TAF2: variants seen among roughly 807,000 people sequenced by gnomAD.
The protein encoded by TAF2 is TATA-box binding protein associated factor 2.
Under a neutral mutation model 138.5 loss-of-function variants are expected in TAF2, and 61 were observed. The observed-to-expected ratio is 0.44, with a 90% CI of 0.36 to 0.54. TAF2 has a LOEUF of 0.54. Ranked by LOEUF, TAF2 falls within the 20% of genes least tolerant of loss-of-function variation. TAF2 has a pLI of 0.00. For synonymous variants in TAF2, 475 were observed against 469.9 expected (o/e 1.01, Z -0.14); for missense variants, 1,090 against 1,427.9 (o/e 0.76, Z 3.81).
chr8:119,781,243 C>T (rs780849529), intron 16 of TAF2, 50 bp from the exon 17 acceptor site: 2 of 1,607,212 alleles, frequency 1.2e-6, no homozygotes, highest in Non-Finnish European at 1.7e-6. Flanking sequence ...TGCAAACATA[C>T]TTTAAAATAA....
chr8:119,788,452 T>C lies in TAF2; in HGVS notation c.1684-5A>G. The C allele has an allele frequency of 1.3e-6, 2 of 1,501,904 alleles. No individual in the cohort carries two copies. Among genetic ancestry groups the C allele is most frequent in the Middle Eastern group, 1.8e-4 (1 of 5,692 alleles). The allele number at this position is 1,501,904 out of a possible 1,614,324, so 93.0% of individuals were successfully genotyped here. On this transcript the variant is annotated splice_polypyrimidine_tract_variant and splice_region_variant and intron_variant, in intron 13 of 25. Transcript: ENST00000378164. The stretch of plus-strand genomic sequence containing the variant: ...CACTGTCACTTTAAGTGGTCCCTTT[T>C]AAAAAAAAAACGTACTGTTCAGAGA...
Position 119,802,077 on chromosome 8 carries a change from T to G in TAF2, c.561-52A>C, listed in dbSNP as rs148107060. 4.2e-5 allele frequency: 59 copies of G among 1,421,006 alleles called. No individual in the cohort carries two copies. In the African/African-American group the frequency reaches 6.4e-4, roughly 15 times the overall value. The allele number at this position is 1,421,006 out of a possible 1,614,324, so 88.0% of individuals were successfully genotyped here. On this transcript the variant is annotated intron_variant, in intron 5 of 25. Transcript: ENST00000378164. Reference sequence around the variant, plus strand: ...AATGTATTCAAAGAGTTCTCTACATTGTTTTCCCCACATGCAAGTTATTTT... The same window carrying G: ...AATGTATTCAAAGAGTTCTCTACATGGTTTTCCCCACATGCAAGTTATTTT...
At chr8:119,787,196 G>A (rs1256434968) in intron 14 of TAF2, among the ~76,000 whole-genome samples, 2 of 152,004 alleles carry the variant, frequency 1.3e-5, no homozygotes, top group Non-Finnish European at 2.9e-5. Flanking sequence ...GGAACTTAAA[G>A]TTACAAGAGA....
intron 21 of TAF2, among the ~76,000 whole-genome samples, chr8:119,756,854 C>T (rs896617766): frequency 3.9e-5 from 6 of 152,004 alleles, no homozygotes; most frequent in African/African-American, 1.4e-4. Context: ...GTAGAAGACA[C>T]CATTAAGAGG....
In TAF2 at chr8:119,819,470, T is replaced by C. The variant is rs754450263; in HGVS notation, c.175A>G (p.Asn59Asp). The C allele has an allele frequency of 1.2e-6, 2 of 1,610,478 alleles. No individual in the cohort carries two copies. The highest frequency in any genetic ancestry group is 1.7e-6 in the Non-Finnish European group (2 of 1,179,478). The part of the protein sequence containing the change: ...VELTIFPTVA[N>D]LNRIKLNSKQ... ...CTGTTCAACTTGATTCTATTCAAGT[T>C]TGCAACTGTGGGAAATATAGTCAGT... The change falls in exon 3 of 26, where the codon AAC becomes GAC. Residue 59 changes from asparagine to aspartate, a missense_variant. Transcript: ENST00000378164.
intron 2 of TAF2, among the ~76,000 whole-genome samples, chr8:119,826,689 C>T (rs1826123463): frequency 6.6e-6 from 1 of 151,896 alleles, no homozygotes; most frequent in South Asian, 2.1e-4. Context: ...CTCCTGGGTT[C>T]AAGCGACTCT....
chr8:119,731,919 C>T lies in TAF2; in HGVS notation c.*5G>A, dbSNP rs1465411637. The T allele has an allele frequency of 5.0e-6, 8 of 1,613,666 alleles. No individual in the cohort carries two copies. The highest frequency in any genetic ancestry group is 5.9e-6 in the Non-Finnish European group (7 of 1,179,758). On this transcript the variant is annotated 3_prime_UTR_variant, in exon 26 of 26. Coordinates refer to ENST00000378164, the MANE Select transcript of TAF2 (RefSeq NM_003184.4). ...CATGAAAGGAAAGGTCTTTTTGTCC[C>T]CTTCTCAGTCTGAAAGGGAAGGAGA... is the stretch of plus-strand genomic sequence containing the variant.
intron 4 of TAF2, among the ~76,000 whole-genome samples, 180 bp downstream of exon 4, chr8:119,806,103 T>C (rs1009999838): frequency 2.0e-5 from 3 of 152,106 alleles, no homozygotes; most frequent in Non-Finnish European, 2.9e-5. Context: ...GGTTTCGCCA[T>C]GTTGGCCAGG....
At chr8:119,754,035 G>T (rs1252033342) in intron 22 of TAF2, among the ~76,000 whole-genome samples, 2 of 152,138 alleles carry the variant, frequency 1.3e-5, no homozygotes, top group East Asian at 3.9e-4. Flanking sequence ...TTCTTTCAGA[G>T]ATTAAAGAAA....
At chr8:119,792,474 T>C (rs1823508027) in intron 10 of TAF2, among the ~76,000 whole-genome samples, 1 of 152,096 alleles carries the variant, frequency 6.6e-6, no homozygotes, top group Non-Finnish European at 1.5e-5. Flanking sequence ...CATGATCACA[T>C]ACCTAGAAGA....
At chr8:119,756,309 G>T (rs16893109) in intron 21 of TAF2, among the ~76,000 whole-genome samples, 194 bp from the exon 22 acceptor site, 67,652 of 151,544 alleles carry the variant, frequency 0.45, 15,537 homozygotes, top group Admixed American at 0.54. Flanking sequence ...TATTTATTAC[G>T]TGTTTTTTCA....
rs145841428 is a variant in TAF2, at chr8:119,823,780, C to T, written c.139-4274G>A. Among the ~76,000 whole-genome samples the T allele has an allele frequency of 1.6e-3, 247 of 152,216 alleles. 1 individual carries two copies. Among genetic ancestry groups the T allele is most frequent in the African/African-American group, 5.6e-3 (233 of 41,542 alleles). ...AGATGGCTCAGAAGACAGGAAAATG[C>T]GGGAAAGTTTGGAACTTCCTATAGA... On this transcript the variant is annotated intron_variant, in intron 2 of 25. Coordinates refer to ENST00000378164, the MANE Select transcript of TAF2 (RefSeq NM_003184.4).
chr8:119,805,330 T>G (rs1165939311), intron 4 of TAF2, among the ~76,000 whole-genome samples: 1 of 152,224 alleles, frequency 6.6e-6, no homozygotes, highest in Non-Finnish European at 1.5e-5. Flanking sequence ...ACCAGATTTT[T>G]TCAGGATCTT....
At chr8:119,742,686 G>A (rs750294389) in intron 24 of TAF2, 30 bp from the exon 25 acceptor site, 2 of 1,611,298 alleles carry the variant, frequency 1.2e-6, no homozygotes, top group African/African-American at 1.3e-5. Context: ...AAAAAAGAGG[G>A]ATTTATTTCT....
At chr8:119,781,653 C>T (rs950181311) in intron 16 of TAF2, among the ~76,000 whole-genome samples, 2 of 151,978 alleles carry the variant, frequency 1.3e-5, no homozygotes, top group Non-Finnish European at 2.9e-5. Flanking sequence ...CCATCGCACT[C>T]CACCCTGGGT....
At chr8:119,792,493 A>T (rs1202410410) in intron 10 of TAF2, among the ~76,000 whole-genome samples, 3 of 152,108 alleles carry the variant, frequency 2.0e-5, no homozygotes, top group African/African-American at 7.2e-5. Context: ...GAATTGCTGG[A>T]TCTAAAAATT....
chr8:119,796,334 T>C (rs1489075339), intron 8 of TAF2, among the ~76,000 whole-genome samples: 3 of 152,076 alleles, frequency 2.0e-5, no homozygotes, highest in Admixed American at 1.3e-4. Context: ...AAACCAACAT[T>C]TCCATACTAT....
At chr8:119,808,732 T>G (rs1824839741) in intron 3 of TAF2, among the ~76,000 whole-genome samples, 1 of 152,224 alleles carries the variant, frequency 6.6e-6, no homozygotes. Flanking sequence ...AATCTCCTAG[T>G]ACATCTCCAT....
At chr8:119,737,117 TGCAATGTG>T in intron 25 of TAF2, among the ~76,000 whole-genome samples, 1 of 152,196 alleles carries the variant, frequency 6.6e-6, no homozygotes, top group East Asian at 1.9e-4. Flanking sequence ...ATCAGCCAAC[TGCAATGTG>T]GACCCTACGT....
Sources: allele counts gnomAD v4.1 joint callset (sites outside exome capture counted in the v4.1 genomes callset), GRCh38; gene constraint gnomAD v4.1.1; transcripts MANE v1.5; gene names NCBI Gene and HGNC (gene_info 2026-07-23, HGNC 2026-07-21).